PCDHA6: variants seen among roughly 807,000 people sequenced by gnomAD.
PCDHA6 encodes the protein protocadherin alpha-6.
Under a neutral mutation model 60.3 loss-of-function variants are expected in PCDHA6, and 55 were observed. The observed-to-expected ratio is 0.91, with a 90% CI of 0.73 to 1.14. The LOEUF (loss-of-function observed/expected upper bound fraction) is 1.14. Among genes scored for constraint, PCDHA6 ranks in the 50% most tolerant of loss-of-function variants. PCDHA6 has a pLI of 0.00. For synonymous variants in PCDHA6, 652 were observed against 557.9 expected (o/e 1.17, Z -2.38); for missense variants, 1,327 against 1,256.5 (o/e 1.06, Z -0.85).
At chr5:140,885,070 T>C (rs1253345040) in intron 1 of PCDHA6, among the ~76,000 whole-genome samples, 1 of 152,232 alleles carries the variant, frequency 6.6e-6, no homozygotes, top group African/African-American at 2.4e-5. Flanking sequence ...CAAGATATTA[T>C]TTTAAAGAGC....
chr5:140,904,156 G>C (rs1554191312), intron 1 of PCDHA6, among the ~76,000 whole-genome samples: 1 of 152,028 alleles, frequency 6.6e-6, no homozygotes, highest in Non-Finnish European at 1.5e-5. Flanking sequence ...ATTGCACCCA[G>C]TTTGTAGTCT....
chr5:140,924,876 C>G (rs1380631161), intron 1 of PCDHA6, among the ~76,000 whole-genome samples: 1 of 144,704 alleles, frequency 6.9e-6, no homozygotes, highest in Non-Finnish European at 1.5e-5. Flanking sequence ...GCCTGGGTGA[C>G]AGAGCAAGAA....
chr5:140,877,247 C>T (rs782249614), intron 1 of PCDHA6: 1 of 1,613,680 alleles, frequency 6.2e-7, no homozygotes, highest in African/African-American at 1.3e-5. Context: ...CACGTGGTGG[C>T]GAAAGTGCGC....
chr5:140,918,003 T>A (rs1223893662), intron 1 of PCDHA6, among the ~76,000 whole-genome samples: 1 of 152,216 alleles, frequency 6.6e-6, no homozygotes, highest in African/African-American at 2.4e-5. Flanking sequence ...ATCTTAACAA[T>A]GTTGTTTCTT....
chr5:140,941,243 CTT>C (rs782176516), intron 1 of PCDHA6, among the ~76,000 whole-genome samples: 1 of 131,826 alleles, frequency 7.6e-6, no homozygotes, highest in Non-Finnish European at 1.6e-5. Flanking sequence ...TTCTTTCTTT[CTT>C]TCTTTCTTTC....
At chr5:140,848,633 C>A in intron 1 of PCDHA6, 1 of 1,593,314 alleles carries the variant, frequency 6.3e-7, no homozygotes, top group Non-Finnish European at 8.6e-7. Flanking sequence ...CCTTCGTGGG[C>A]CGCATCGCGC....
intron 1 of PCDHA6, chr5:140,843,092 G>A (rs1778555450): frequency 6.3e-7 from 1 of 1,595,654 alleles, no homozygotes. Flanking sequence ...GGGCCACGTG[G>A]TAGCGAAGGT....
At chr5:140,926,143 C>A (rs2082940711) in intron 1 of PCDHA6, among the ~76,000 whole-genome samples, 1 of 152,068 alleles carries the variant, frequency 6.6e-6, no homozygotes, top group African/African-American at 2.4e-5. Context: ...CAGGATCCAG[C>A]GCGGAAAGCT....
rs2150418084 is a variant in PCDHA6 at position 140,848,701 on chromosome 5, A to G, written c.2394+18216A>G. The G allele has an allele frequency of 3.1e-6, 5 of 1,592,360 alleles. 1 individual carries two copies. In the South Asian group the frequency reaches 4.4e-5, roughly 14 times the overall value. On this transcript the variant is annotated intron_variant, in intron 1 of 3. Transcript: ENST00000529310. Reference sequence around the variant, plus strand: ...CCGCGCCTGTTCCAGTTGGATTCCAAAGGCCGCGGGGACCTTCTGGAGGTA... The same window carrying G: ...CCGCGCCTGTTCCAGTTGGATTCCAGAGGCCGCGGGGACCTTCTGGAGGTA...
At position 140,828,616 on chromosome 5, in the gene PCDHA6, C is replaced by G; in HGVS notation, c.525C>G (p.Ser175Arg). 1 of 1,614,142 alleles carries G rather than the reference C, an allele frequency of 6.2e-7. No homozygotes were observed. The highest frequency in any genetic ancestry group is 8.5e-7 in the Non-Finnish European group (1 of 1,180,028). ...NSILTYKLSS[S>R]EYFGLDVKIN... ...TCTTAACCTATAAACTCAGTTCTAG[C>G]GAATACTTCGGGCTAGATGTGAAAA... Residue 175 changes from serine (S) to arginine (R), a missense_variant, in exon 1 of 4, where the codon AGC (serine) becomes AGG (arginine). Coordinates refer to ENST00000529310, the MANE Select transcript of PCDHA6 (RefSeq NM_018909.4).
chr5:140,865,207 G>T (rs2048773206), intron 1 of PCDHA6: 1 of 152,092 alleles, frequency 6.6e-6, no homozygotes. Context: ...AATGTGAATT[G>T]CTTTCTTTAA....
intron 1 of PCDHA6, among the ~76,000 whole-genome samples, chr5:140,919,033 G>T (rs149900813): frequency 6.6e-6 from 1 of 152,282 alleles, no homozygotes; most frequent in African/African-American, 2.4e-5. Flanking sequence ...CTGCCTAGTT[G>T]TTGTCCATTA....
intron 1 of PCDHA6, chr5:140,876,989 G>T (rs781957201): frequency 1.2e-6 from 2 of 1,612,664 alleles, no homozygotes; most frequent in South Asian, 1.1e-5. Context: ...GCACTGTCGA[G>T]CTACGTGTCG....
At chr5:140,835,894 T>C in intron 1 of PCDHA6, 1 of 1,612,042 alleles carries the variant, frequency 6.2e-7, no homozygotes, top group Non-Finnish European at 8.5e-7. Context: ...GAGCGCGCGC[T>C]GTCGAGCTAC....
intron 1 of PCDHA6, chr5:140,843,796 T>C: frequency 2.2e-6 from 3 of 1,356,238 alleles, no homozygotes; most frequent in African/African-American, 1.4e-5. Context: ...GATTTAGTTT[T>C]TCACCGTATT....
At chr5:140,842,169 G>A (rs2150330880) in intron 1 of PCDHA6, 3 of 1,613,820 alleles carry the variant, frequency 1.9e-6, no homozygotes, top group South Asian at 1.1e-5. Context: ...TCTTTTAATA[G>A]CCTTGTTGAA....
At chr5:140,967,518 A>T (rs1554229639) in intron 1 of PCDHA6, 1 of 1,612,930 alleles carries the variant, frequency 6.2e-7, no homozygotes, top group Non-Finnish European at 8.5e-7. Flanking sequence ...CTGGACACTA[A>T]CGACAACTCT....
At chr5:140,950,791 A>T (rs2153690738) in intron 1 of PCDHA6, among the ~76,000 whole-genome samples, 1 of 152,142 alleles carries the variant, frequency 6.6e-6, no homozygotes, top group East Asian at 1.9e-4. Flanking sequence ...CTTTTTAAAT[A>T]TTGTCTGGTT....
chr5:140,840,691 C>T (rs886762733), intron 1 of PCDHA6, among the ~76,000 whole-genome samples: 1 of 151,924 alleles, frequency 6.6e-6, no homozygotes, highest in Non-Finnish European at 1.5e-5. Context: ...GTAAATAAAA[C>T]GGTTCAGGCA....
Sources: allele counts gnomAD v4.1 joint callset (sites outside exome capture counted in the v4.1 genomes callset), GRCh38; gene constraint gnomAD v4.1.1; transcripts MANE v1.5; gene names NCBI Gene and HGNC (gene_info 2026-07-23, HGNC 2026-07-21).